Variants in SEPTIN6 observed in about 807,000 individuals in gnomAD.
The protein encoded by SEPTIN6 is septin 6, also known as septin-6.
SEPTIN6 carries 8 observed loss-of-function variants against 33.6 expected under a neutral mutation model. That is an observed-to-expected ratio of 0.24 (90% CI 0.14 to 0.43). The LOEUF (loss-of-function observed/expected upper bound fraction) is 0.43. Among genes scored for constraint, SEPTIN6 ranks in the 20% least tolerant of loss-of-function variants. The probability of loss-of-function intolerance (pLI) is 1.00; values close to 1 mark genes in which losing one functional copy is unlikely to be tolerated. For missense variants in SEPTIN6, 250 were observed against 340.8 expected (o/e 0.73, Z 2.10); for synonymous variants, 131 against 140.0 (o/e 0.94, Z 0.45).
intron 2 of SEPTIN6, among the ~76,000 whole-genome samples, chrX:119,665,943 G>A (rs774991475): frequency 2.6e-4 from 29 of 110,154 alleles, no homozygotes; most frequent in African/African-American, 9.6e-4. Context: ...TTAGCCAGGC[G>A]TGATGGTGGG....
intron 8 of SEPTIN6, among the ~76,000 whole-genome samples, chrX:119,630,780 C>T (rs913113595): frequency 3.6e-5 from 4 of 110,601 alleles, no homozygotes; most frequent in African/African-American, 1.3e-4. Flanking sequence ...ATAATCCCAG[C>T]TACTTGGGAG....
intron 3 of SEPTIN6, among the ~76,000 whole-genome samples, chrX:119,657,227 AAAAAACAAAAC>A (rs1569432882): frequency 9.2e-6 from 1 of 109,222 alleles, no homozygotes. Flanking sequence ...TCAAAAAAAA[AAAAAACAAAAC>A]AAAAAAACTG....
intron 8 of SEPTIN6, among the ~76,000 whole-genome samples, chrX:119,630,116 T>C (rs889529280): frequency 1.8e-5 from 2 of 111,800 alleles, no homozygotes; most frequent in African/African-American, 6.5e-5. Flanking sequence ...GAAGACTCCG[T>C]CTCAAAAAAT....
chrX:119,650,886 C>A (rs956155921), intron 4 of SEPTIN6, among the ~76,000 whole-genome samples: 1 of 111,855 alleles, frequency 8.9e-6, no homozygotes, highest in African/African-American at 3.2e-5. Context: ...AGTATAAATG[C>A]CCAATTTCAG....
intron 1 of SEPTIN6, among the ~76,000 whole-genome samples, chrX:119,684,380 ACAAT>A (rs1177970070): frequency 9.0e-6 from 1 of 111,439 alleles, no homozygotes; most frequent in Non-Finnish European, 1.9e-5. Flanking sequence ...TCTTGATGAA[ACAAT>A]CAGGTAGCTG....
intron 10 of SEPTIN6, among the ~76,000 whole-genome samples, chrX:119,622,271 G>A (rs2053780978): frequency 9.0e-6 from 1 of 111,479 alleles, no homozygotes; most frequent in Non-Finnish European, 1.9e-5. Context: ...TATCTGCAAC[G>A]ATGTAGGGGG....
At chrX:119,644,878 C>G (rs748036391) in intron 5 of SEPTIN6, among the ~76,000 whole-genome samples, 9 of 107,418 alleles carry the variant, frequency 8.4e-5, no homozygotes, top group East Asian at 2.9e-4. Context: ...ATCCCATTAA[C>G]AAGGGAGAAG....
chrX:119,672,397 CCTTGAG>C (rs938139776), intron 2 of SEPTIN6, among the ~76,000 whole-genome samples: 1 of 111,857 alleles, frequency 8.9e-6, no homozygotes, highest in African/African-American at 3.3e-5. Flanking sequence ...ATCCACTTTG[CCTTGAG>C]CTTGGCTGCC....
Position 119,633,818 on chromosome X carries a change from T to C in SEPTIN6, c.957-326A>G, listed in dbSNP as rs763042473. ...CCCACGGCTAGTTAGAGGGAGAACT[T>C]TGACCAGAAGCTGAGTCTCCTGTCT... On this transcript the variant is annotated intron_variant, in intron 7 of 10. Transcript: ENST00000394610. 8.8e-4 allele frequency among the ~76,000 whole-genome samples: 99 copies of C among 112,281 alleles called. 1 individual carries two copies. Among genetic ancestry groups the C allele is most frequent in the Non-Finnish European group, 2.1e-4 (11 of 53,235 alleles).
In SEPTIN6 at chrX:119,661,438, A is replaced by T. The variant is rs773463743; in HGVS notation, c.341+2044T>A. 3.0e-3 allele frequency among the ~76,000 whole-genome samples: 332 copies of T among 111,545 alleles called. 2 individuals carry two copies. Among genetic ancestry groups the T allele is most frequent in the African/African-American group, 0.01 (317 of 30,580 alleles). ...AGAGCGAGACTCCGTCTCAAAAAAAATAAAATAAAATAAAAAGAAGCTACA... is the reference window on the plus strand; with the variant it reads ...AGAGCGAGACTCCGTCTCAAAAAAATTAAAATAAAATAAAAAGAAGCTACA... On this transcript the variant is annotated intron_variant, in intron 3 of 10. Transcript: ENST00000394610.
intron 10 of SEPTIN6, 36 bp from the exon 11 acceptor site, chrX:119,620,087 A>T: frequency 9.7e-7 from 1 of 1,028,872 alleles, no homozygotes; most frequent in Non-Finnish European, 1.3e-6. Context: ...TAATGAATGG[A>T]TAGATTAATG....
At chrX:119,634,325 C>T (rs1180260204) in intron 7 of SEPTIN6, among the ~76,000 whole-genome samples, 1 of 103,787 alleles carries the variant, frequency 9.6e-6, no homozygotes, top group Non-Finnish European at 2.0e-5. Flanking sequence ...GCCGAGATTG[C>T]GCCACTGCAC....
intron 6 of SEPTIN6, among the ~76,000 whole-genome samples, chrX:119,640,168 C>CTTTTTTT (rs57021804): frequency 5.0e-5 from 1 of 20,173 alleles, no homozygotes; most frequent in Non-Finnish European, 8.3e-5. Context: ...ACTATCCAGT[C>CTTTTTTT]TTTTTTTTTT....
Position 119,625,160 on chromosome X carries a change from T to A in SEPTIN6, c.*41+175A>T, listed in dbSNP as rs146074839. Among the ~76,000 whole-genome samples the A allele has an allele frequency of 5.6e-3, 626 of 112,021 alleles. 2 individuals are homozygous for A. The highest frequency in any genetic ancestry group is 9.2e-3 in the Middle Eastern group (2 of 218). ...CAGGCAGGCAGGCAGGCATTCCACA[T>A]GTACACCTGAAACCACACCAGACTA... On this transcript the variant is annotated intron_variant, in intron 10 of 10. Coordinates refer to ENST00000394610, the MANE Select transcript of SEPTIN6 (RefSeq NM_145799.4).
At chrX:119,634,943 A>G (rs1420862811) in intron 7 of SEPTIN6, among the ~76,000 whole-genome samples, 2 of 106,319 alleles carry the variant, frequency 1.9e-5, no homozygotes, top group Non-Finnish European at 3.9e-5. Flanking sequence ...CGGGAAGCCA[A>G]GATTGCAGTG....
chrX:119,635,355 AG>A (rs1283158125), intron 7 of SEPTIN6, among the ~76,000 whole-genome samples: 1 of 111,122 alleles, frequency 9.0e-6, no homozygotes, highest in Non-Finnish European at 1.9e-5. Context: ...ATCTACTTCT[AG>A]GTGGTAATTA....
chrX:119,682,366 G>T (rs1033461608), intron 1 of SEPTIN6, among the ~76,000 whole-genome samples: 1 of 111,458 alleles, frequency 9.0e-6, no homozygotes, highest in African/African-American at 3.3e-5. Flanking sequence ...TTGCAGCAGG[G>T]GTAATTAGGA....
intron 1 of SEPTIN6, among the ~76,000 whole-genome samples, chrX:119,692,490 C>T (rs1343463773): frequency 9.0e-6 from 1 of 111,559 alleles, no homozygotes; most frequent in Non-Finnish European, 1.9e-5. Flanking sequence ...CGGGAAGACA[C>T]GAGCGCGCGC....
chrX:119,688,868 T>C (rs373235426), intron 1 of SEPTIN6, among the ~76,000 whole-genome samples: 1 of 111,329 alleles, frequency 9.0e-6, no homozygotes, highest in African/African-American at 3.3e-5. Context: ...GTATCACCAA[T>C]AGAGCTAGGT....
Sources: gnomAD v4.1 joint callset for allele counts (sites outside exome capture counted in the v4.1 genomes callset) on GRCh38, gnomAD v4.1.1 for gene constraint, MANE v1.5 for transcripts, NCBI Gene and HGNC (gene_info 2026-07-23, HGNC 2026-07-21) for gene names.